Variants in DPP6 observed in about 807,000 individuals in gnomAD.
DPP6 encodes the protein dipeptidyl peptidase like 6.
In DPP6, 69 loss-of-function variants were observed where a neutral mutation model predicts 122.6. That is an observed-to-expected ratio of 0.56 (90% confidence interval 0.46 to 0.69). The LOEUF (loss-of-function observed/expected upper bound fraction) is 0.69, where lower values mean the gene tolerates loss of function less well. DPP6 is among the 30% of genes least tolerant of loss of function. The pLI is 0.00. For missense variants in DPP6, 928 were observed against 1,116.9 expected (o/e 0.83, Z 2.41); for synonymous variants, 418 against 433.1 (o/e 0.97, Z 0.43).
chr7:154,665,815 T>G (rs1242393527), intron 6 of DPP6, among the ~76,000 whole-genome samples: 1 of 152,204 alleles, frequency 6.6e-6, no homozygotes, highest in Non-Finnish European at 1.5e-5. Context: ...GATTTCAAAC[T>G]TCACAGTTTA....
chr7:154,263,384 G>A (rs1000112894), intron 1 of DPP6, among the ~76,000 whole-genome samples: 7 of 152,156 alleles, frequency 4.6e-5, no homozygotes, highest in African/African-American at 1.7e-4. Flanking sequence ...GTTTATATAT[G>A]AGCAGTTTTT....
intron 1 of DPP6, among the ~76,000 whole-genome samples, chr7:154,061,420 T>G (rs187204118): frequency 7.0e-6 from 1 of 142,840 alleles, no homozygotes; most frequent in Non-Finnish European, 1.6e-5. Flanking sequence ...CTGAGGCCGG[T>G]AGCCTACATC....
upstream of DPP6, among the ~76,000 whole-genome samples, chr7:154,049,210 G>A (rs978064879): frequency 6.9e-6 from 1 of 145,626 alleles, no homozygotes; most frequent in African/African-American, 2.6e-5. Flanking sequence ...TTGAGTAGAG[G>A]GAAATATTGA....
chr7:153,814,317 A>G, the DPP6 span, among the ~76,000 whole-genome samples: 117 of 152,346 alleles, frequency 7.7e-4, no homozygotes, highest in African/African-American at 2.7e-3. Flanking sequence ...ATCAGAGAAT[A>G]CTACAAACAC....
intron 1 of DPP6, among the ~76,000 whole-genome samples, chr7:154,300,303 G>A (rs1805821596): frequency 6.6e-6 from 1 of 152,106 alleles, no homozygotes; most frequent in African/African-American, 2.4e-5. Context: ...TGTGTTTATC[G>A]GCCACCACGA....
intron 5 of DPP6, among the ~76,000 whole-genome samples, chr7:154,630,782 C>T (rs901186635): frequency 5.9e-5 from 9 of 151,800 alleles, no homozygotes; most frequent in African/African-American, 1.9e-4. Flanking sequence ...TGGGGCCTGT[C>T]GGGGGATGGG....
chr7:154,739,722 A>C (rs1484044556), intron 8 of DPP6, among the ~76,000 whole-genome samples: 1 of 152,210 alleles, frequency 6.6e-6, no homozygotes, highest in African/African-American at 2.4e-5. Context: ...TGCACCTTGC[A>C]ATAAGGCACC....
chr7:153,791,438 T>TTTTTTTTTTTTC, the DPP6 span, among the ~76,000 whole-genome samples: 1 of 145,516 alleles, frequency 6.9e-6, no homozygotes, highest in Non-Finnish European at 1.5e-5. Flanking sequence ...TTTTTTTTTT[T>TTTTTTTTTTTTC]CAGATGGAGT....
At chr7:154,408,893 C>A (rs1160574188) in intron 1 of DPP6, among the ~76,000 whole-genome samples, 2 of 152,116 alleles carry the variant, frequency 1.3e-5, no homozygotes, top group African/African-American at 2.4e-5. Flanking sequence ...GTAATCCCAG[C>A]ACTTTGGGAG....
Position 154,892,507 on chromosome 7 carries a change from G to A in DPP6, c.*27G>A, listed in dbSNP as rs1335827985. ...CTCAGGTCGCTCTAAGCACAAACGT[G>A]GCTCTTTCTACAACCAGATGCAACC... On this transcript the variant is annotated 3_prime_UTR_variant, in exon 26 of 26. Coordinates refer to ENST00000377770, the MANE Select transcript of DPP6 (RefSeq NM_130797.4). The A allele has an allele frequency of 2.5e-6, 4 of 1,612,552 alleles. No homozygotes were observed. The highest frequency in any genetic ancestry group is 3.4e-6 in the Non-Finnish European group (4 of 1,179,126).
chr7:154,382,600 C>T (rs1389085915), intron 1 of DPP6, among the ~76,000 whole-genome samples: 5 of 152,240 alleles, frequency 3.3e-5, no homozygotes, highest in Admixed American at 2.0e-4. Flanking sequence ...CTGCGCTCAG[C>T]GCTCAGCGCT....
the DPP6 span, among the ~76,000 whole-genome samples, chr7:153,782,006 A>G: frequency 7.9e-6 from 1 of 126,604 alleles, no homozygotes; most frequent in African/African-American, 3.0e-5. Context: ...ACACACACAC[A>G]CACGCCTGAC....
chr7:154,427,532 G>A (rs1228516479), intron 1 of DPP6, among the ~76,000 whole-genome samples: 2 of 152,180 alleles, frequency 1.3e-5, no homozygotes, highest in African/African-American at 4.8e-5. Context: ...ACTGAATATT[G>A]CACATGAATC....
At chr7:154,813,442 T>G (rs146633942) in intron 16 of DPP6, among the ~76,000 whole-genome samples, 247 of 152,232 alleles carry the variant, frequency 1.6e-3, no homozygotes, top group Admixed American at 4.4e-3. Context: ...CTTTGCACAG[T>G]TACATTAAAA....
intron 5 of DPP6, among the ~76,000 whole-genome samples, chr7:154,598,284 A>G (rs143287294): frequency 5.9e-5 from 9 of 152,342 alleles, no homozygotes; most frequent in African/African-American, 2.2e-4. Flanking sequence ...CCAAGTCATC[A>G]CTTCATAAAG....
At chr7:153,932,198 A>G (rs1375197521) in intron 1 of DPP6, among the ~76,000 whole-genome samples, 1 of 147,334 alleles carries the variant, frequency 6.8e-6, no homozygotes, top group Non-Finnish European at 1.5e-5. Context: ...TTGGCTCACC[A>G]CAACCTCCAC....
intron 6 of DPP6, among the ~76,000 whole-genome samples, chr7:154,650,686 A>G (rs751208): frequency 0.24 from 37,130 of 151,990 alleles, 4,675 homozygotes; most frequent in Non-Finnish European, 0.27. Context: ...GATGTCAGAC[A>G]CCCAAGGGCA....
At chr7:153,848,474 CTCTA>C in the DPP6 span, among the ~76,000 whole-genome samples, 1 of 152,148 alleles carries the variant, frequency 6.6e-6, no homozygotes, top group South Asian at 2.1e-4. Context: ...GGTCTGCATT[CTCTA>C]TCTATAATTT....
chr7:154,812,329 A>T (rs1799115284), intron 16 of DPP6, among the ~76,000 whole-genome samples: 1 of 152,216 alleles, frequency 6.6e-6, no homozygotes, highest in Non-Finnish European at 1.5e-5. Flanking sequence ...TGTAACTTAT[A>T]TTCAGTATTA....
Sources: gnomAD v4.1 joint callset for allele counts (sites outside exome capture counted in the v4.1 genomes callset) on GRCh38, gnomAD v4.1.1 for gene constraint, MANE v1.5 for transcripts, NCBI Gene and HGNC (gene_info 2026-07-23, HGNC 2026-07-21) for gene names.